Variants in STX5 observed in about 807,000 individuals in gnomAD.
STX5 encodes the protein syntaxin-5.
In STX5, 15 loss-of-function variants were observed where a neutral mutation model predicts 42.9. The observed-to-expected ratio is 0.35, with a 90% CI of 0.23 to 0.54. STX5 has a LOEUF of 0.54. STX5 is among the 20% of genes least tolerant of loss of function. The pLI is 0.91. For missense variants in STX5, 430 were observed against 455.0 expected, an observed-to-expected ratio of 0.95 and a Z score of 0.50; for synonymous variants, 184 against 173.2, an observed-to-expected ratio of 1.06 and a Z score of -0.49.
intron 2 of STX5, chr11:62,830,624 C>A (rs189290377): frequency 2.2e-6 from 1 of 456,202 alleles, no homozygotes; most frequent in Non-Finnish European, 4.3e-6. Context: ...TAATATGTAA[C>A]TAGATTAACT....
chr11:62,828,085 AG>A (rs748417098), intron 2 of STX5, among the ~76,000 whole-genome samples: 1 of 151,216 alleles, frequency 6.6e-6, no homozygotes, highest in Non-Finnish European at 1.5e-5. Context: ...ACAGAAGAGC[AG>A]CTTTACCATG....
intron 10 of STX5, among the ~76,000 whole-genome samples, chr11:62,819,016 G>A (rs1238806872): frequency 3.3e-5 from 5 of 151,308 alleles, no homozygotes; most frequent in African/African-American, 1.2e-4. Context: ...TCAGGAGATC[G>A]AGACCATCCT....
In STX5 at chr11:62,807,433, C is replaced by T. The variant is rs1197569840; in HGVS notation, c.*36G>A. On this transcript the variant is annotated 3_prime_UTR_variant, in exon 11 of 11. Coordinates refer to ENST00000294179, the MANE Select transcript of STX5 (RefSeq NM_003164.5). The stretch of plus-strand genomic sequence containing the variant: ...GGCCACTTGCCTTCCCAGGAGGGTC[C>T]CAAACCCCAACAGAGTGCCTCAGAG... 1 of 1,605,424 alleles carries T rather than the reference C, an allele frequency of 6.2e-7. No homozygotes were observed. Among genetic ancestry groups the T allele is most frequent in the Admixed American group, 1.7e-5 (1 of 59,608 alleles).
Position 62,819,740 on chromosome 11 carries a change from C to G in STX5, c.908+4426G>C, listed in dbSNP as rs911943345. ...CAGAGTTTTGCTCTTGCTGCCCAGG[C>G]TGGAATGCAATGGCACGATCTCGGC... On this transcript the variant is annotated intron_variant, in intron 10 of 10. Transcript: ENST00000294179. 2.4e-4 allele frequency among the ~76,000 whole-genome samples: 37 copies of G among 151,986 alleles called. 1 individual carries two copies. Among genetic ancestry groups the G allele is most frequent in the African/African-American group, 7.7e-4 (32 of 41,398 alleles).
At position 62,819,692 on chromosome 11, in the gene STX5, T is replaced by C. The variant is rs78591413; in HGVS notation, c.908+4474A>G. ...CAAGATGTGCATCACCACGCCCAGC[T>C]TGTGTTTTTGTTTTTGTTTTTTCAG... On this transcript the variant is annotated intron_variant, in intron 10 of 10. Coordinates refer to ENST00000294179, the MANE Select transcript of STX5 (RefSeq NM_003164.5). 2.9e-3 allele frequency among the ~76,000 whole-genome samples: 434 copies of C among 151,740 alleles called. 17 individuals carry two copies. The East Asian group carries it at 0.069, about 24-fold the overall frequency.
intron 10 of STX5, among the ~76,000 whole-genome samples, chr11:62,808,461 A>T (rs888720746): frequency 6.6e-6 from 1 of 151,258 alleles, no homozygotes; most frequent in African/African-American, 2.4e-5. Flanking sequence ...CCAAAAAAAA[A>T]GGTATATGGA....
Position 62,827,581 on chromosome 11 carries a change from A to G in STX5, c.276T>C (p.Ser92=). 6.2e-7 allele frequency: 1 copy of G among 1,614,250 alleles called. No homozygotes were observed. ...CTCACTTGGCCATGAGGGTGAATTCACTGCGTTGTCGGACAGCACGCAAAG... is the reference window on the plus strand; with the variant it reads ...CTCACTTGGCCATGAGGGTGAATTCGCTGCGTTGTCGGACAGCACGCAAAG... The part of the protein sequence containing the change: ...KPALRAVRQR[S]EFTLMAKRIG... Residue 92 remains serine (S), a synonymous_variant, in exon 3 of 11, where the codon AGT becomes AGC. Coordinates refer to ENST00000294179, the MANE Select transcript of STX5 (RefSeq NM_003164.5).
Position 62,824,312 on chromosome 11 carries a change from G to A in STX5, c.787-25C>T, listed in dbSNP as rs1406638452. The A allele has an allele frequency of 3.7e-6, 6 of 1,614,148 alleles. No homozygotes were observed. The East Asian group carries it at 1.1e-4, about 30-fold the overall frequency. ...CCTTCAGGAGAGGGAGAGAGCACAT[G>A]AGCACCAACAGCTTCTTCAGGGTCA... On this transcript the variant is annotated intron_variant, in intron 9 of 10. Transcript: ENST00000294179.
intron 10 of STX5, among the ~76,000 whole-genome samples, chr11:62,813,850 G>A (rs566813420): frequency 2.0e-5 from 3 of 152,064 alleles, no homozygotes; most frequent in South Asian, 2.1e-4. Flanking sequence ...CCCACCTATC[G>A]CCAGCTCCTC....
At chr11:62,823,785 G>C in intron 10 of STX5, 1 of 198,786 alleles carries the variant, frequency 5.0e-6, no homozygotes, top group South Asian at 8.5e-5. Context: ...GAACTCAAGC[G>C]ATCTGCATTG....
chr11:62,818,439 G>A (rs1306332499), intron 10 of STX5, among the ~76,000 whole-genome samples: 2 of 151,302 alleles, frequency 1.3e-5, no homozygotes, highest in South Asian at 2.1e-4. Context: ...GTGGTTGCCT[G>A]TAATCCCAGC....
chr11:62,824,261 G>A lies in STX5; in HGVS notation c.813C>T (p.Asp271=), dbSNP rs2134845380. 6.2e-7 allele frequency: 1 copy of A among 1,614,196 alleles called. No individual in the cohort carries two copies. The highest frequency in any genetic ancestry group is 8.5e-7 in the Non-Finnish European group (1 of 1,180,042). Residue 271 remains aspartate (D), a synonymous_variant, in exon 10 of 11, where the codon GAC becomes GAT. Transcript: ENST00000294179. Reference sequence around the variant, plus strand: ...TTGTCGACTCAATGTTCTGCATGGTGTCTGCCCGACTCTGGATGTAGGAAT... The same window carrying A: ...TTGTCGACTCAATGTTCTGCATGGTATCTGCCCGACTCTGGATGTAGGAAT... ...EQDSYIQSRA[D]TMQNIESTIV...
chr11:62,812,978 G>A (rs1286493875), intron 10 of STX5, among the ~76,000 whole-genome samples: 1 of 151,718 alleles, frequency 6.6e-6, no homozygotes, highest in African/African-American at 2.4e-5. Flanking sequence ...CGGACATGGT[G>A]GCTCGTGCCT....
chr11:62,819,071 ATT>A (rs2084708238), intron 10 of STX5, among the ~76,000 whole-genome samples: 1 of 150,878 alleles, frequency 6.6e-6, no homozygotes, highest in African/African-American at 2.4e-5. Flanking sequence ...TACAAAAAAA[ATT>A]AGCCGGGCAT....
At position 62,807,513 on chromosome 11, in the gene STX5, T is replaced by A. The variant is rs1360767016; in HGVS notation, c.1024A>T (p.Ile342Phe). ...NRWLMVKIFL[I>F]LIVFFIIFVV... ...AAGATGATGAAGAAGACAATGAGGA[T>A]GAGGAAGATTTTGACCATGAGCCAC... The change falls in exon 11 of 11, where the codon ATC (isoleucine) becomes TTC (phenylalanine). Residue 342 changes from isoleucine (I) to phenylalanine (F), a missense_variant. Transcript: ENST00000294179. The A allele has an allele frequency of 6.2e-7, 1 of 1,613,806 alleles. No individual in the cohort carries two copies. Among genetic ancestry groups the A allele is most frequent in the Non-Finnish European group, 8.5e-7 (1 of 1,179,994 alleles).
At position 62,807,400 on chromosome 11, in the gene STX5, G is replaced by A; in HGVS notation, c.*69C>T. On this transcript the variant is annotated 3_prime_UTR_variant, in exon 11 of 11. Coordinates refer to ENST00000294179, the MANE Select transcript of STX5 (RefSeq NM_003164.5). Reference sequence around the variant, plus strand: ...CCAAGTACCCTGCACAGGCTCAGTGGCAGCACTGGCCACTTGCCTTCCCAG... The same window carrying A: ...CCAAGTACCCTGCACAGGCTCAGTGACAGCACTGGCCACTTGCCTTCCCAG... 1.3e-6 allele frequency: 2 copies of A among 1,573,360 alleles called. No individual in the cohort carries two copies. Among genetic ancestry groups the A allele is most frequent in the South Asian group, 1.2e-5 (1 of 85,910 alleles).
At chr11:62,816,350 A>C (rs989307143) in intron 10 of STX5, among the ~76,000 whole-genome samples, 3 of 152,256 alleles carry the variant, frequency 2.0e-5, no homozygotes, top group Non-Finnish European at 4.4e-5. Flanking sequence ...TGGCACCATC[A>C]TAGCCTATTG....
At chr11:62,823,983 C>T (rs1165541124) in intron 10 of STX5, 183 bp downstream of exon 10, 2 of 874,564 alleles carry the variant, frequency 2.3e-6, no homozygotes, top group East Asian at 5.1e-5. Flanking sequence ...GGAACAGTGC[C>T]TCACATGAAC....
Position 62,807,370 on chromosome 11 carries a change from T to G in STX5, c.*99A>C. On this transcript the variant is annotated 3_prime_UTR_variant, in exon 11 of 11. Transcript: ENST00000294179. ...TAGCAGTTCCAGGGAAACAGGGCCT[T>G]TCTCCCAAGTACCCTGCACAGGCTC... is the stretch of plus-strand genomic sequence containing the variant. The G allele has an allele frequency of 6.7e-7, 1 of 1,491,068 alleles. No individual in the cohort carries two copies. Among genetic ancestry groups the G allele is most frequent in the Non-Finnish European group, 9.0e-7 (1 of 1,117,150 alleles). 92.4% of individuals were successfully genotyped at this position (1,491,068 alleles called of 1,614,324 possible).
Sources: allele counts gnomAD v4.1 joint callset (sites outside exome capture counted in the v4.1 genomes callset), GRCh38; gene constraint gnomAD v4.1.1; transcripts MANE v1.5; gene names NCBI Gene and HGNC (gene_info 2026-07-23, HGNC 2026-07-21).